The following SOX5 variants were observed in gnomAD, a reference collection of about 807,000 sequenced individuals.
SOX5 encodes transcription factor SOX-5.
SOX5 carries 9 observed loss-of-function variants against 92.0 expected under a neutral mutation model. The ratio of observed to expected loss-of-function variants is 0.10; its 90% CI spans 0.06 to 0.17. The LOEUF (loss-of-function observed/expected upper bound fraction) is 0.17, where lower values mean the gene tolerates loss of function less well. SOX5 is among the 10% of genes least tolerant of loss of function. The probability of loss-of-function intolerance (pLI) is 1.00; values close to 1 mark genes in which losing one functional copy is unlikely to be tolerated. For missense variants in SOX5, 642 were observed against 944.5 expected, an observed-to-expected ratio of 0.68 and a Z score of 4.20; for synonymous variants, 344 against 336.3, an observed-to-expected ratio of 1.02 and a Z score of -0.25.
chr12:23,898,845 C>A (rs1026856502), intron 1 of SOX5, among the ~76,000 whole-genome samples: 2 of 152,072 alleles, frequency 1.3e-5, no homozygotes, highest in African/African-American at 2.4e-5. Context: ...ATTTATAATT[C>A]AGGTAAAAGA....
chr12:24,358,460 T>C (rs1030058639), intron 2 of SOX5, among the ~76,000 whole-genome samples: 1 of 151,532 alleles, frequency 6.6e-6, no homozygotes, highest in Non-Finnish European at 1.5e-5. Context: ...AATACTTAAC[T>C]GCCAAAAAAA....
intron 3 of SOX5, among the ~76,000 whole-genome samples, chr12:23,795,514 C>G (rs2095547007): frequency 1.3e-5 from 2 of 152,018 alleles, no homozygotes; most frequent in African/African-American, 4.8e-5. Flanking sequence ...TGCCTTGTGG[C>G]TAAATTGAGC....
chr12:23,629,275 C>A (rs994973849), intron 8 of SOX5, among the ~76,000 whole-genome samples: 3 of 151,982 alleles, frequency 2.0e-5, no homozygotes, highest in African/African-American at 2.4e-5. Flanking sequence ...GGCCTAAGTG[C>A]AAAATTAACA....
chr12:24,155,310 T>C, intron 4 of SOX5, among the ~76,000 whole-genome samples: 1 of 152,254 alleles, frequency 6.6e-6, no homozygotes, highest in Middle Eastern at 3.4e-3. Flanking sequence ...CTAAGACAAA[T>C]GAAAAATGTT....
chr12:24,217,301 A>C (rs779341506), intron 3 of SOX5, among the ~76,000 whole-genome samples: 1 of 152,198 alleles, frequency 6.6e-6, no homozygotes, highest in Non-Finnish European at 1.5e-5. Flanking sequence ...CTTGTCCTTG[A>C]ATCTGTAGGA....
intron 8 of SOX5, among the ~76,000 whole-genome samples, chr12:23,608,108 G>GAAAAAAAAAAAAAAA (rs1566278538): frequency 1.8e-4 from 1 of 5,676 alleles, no homozygotes; most frequent in African/African-American, 2.6e-4. Flanking sequence ...TGTCTCAAAA[G>GAAAAAAAAAAAAAAA]AAAAAAGAAA....
Position 24,355,282 on chromosome 12 carries a change from C to CTTTTTTTTTTTTTTTTTT in SOX5, c.-174+13263_-174+13280dup, listed in dbSNP as rs768157437. ...TTAGCAGGTGTGGTGAGGGGTGCAT[C>CTTTTTTTTTTTTTTTTTT]TTTTTTTTTTTTTTTTTTTTTTTTT... On this transcript the variant is annotated intron_variant, in intron 2 of 4. Transcript: ENST00000446891. Among the ~76,000 whole-genome samples, 16 of 71,932 alleles carry CTTTTTTTTTTTTTTTTTT rather than the reference C, an allele frequency of 2.2e-4. 3 individuals are homozygous for CTTTTTTTTTTTTTTTTTT. Among genetic ancestry groups the CTTTTTTTTTTTTTTTTTT allele is most frequent in the Non-Finnish European group, 3.0e-4 (13 of 43,380 alleles). 47.2% of individuals were successfully genotyped at this position (71,932 alleles called of 152,430 possible).
intron 10 of SOX5, among the ~76,000 whole-genome samples, chr12:23,568,632 A>G (rs1368565924): frequency 2.0e-5 from 3 of 152,044 alleles, no homozygotes; most frequent in East Asian, 1.9e-4. Flanking sequence ...TCTATATTCC[A>G]TAGACCTTGT....
At chr12:24,099,846 C>A (rs932559505) in intron 4 of SOX5, among the ~76,000 whole-genome samples, 1 of 152,078 alleles carries the variant, frequency 6.6e-6, no homozygotes, top group Non-Finnish European at 1.5e-5. Flanking sequence ...ATGGGATACT[C>A]CCCAATTCAT....
intron 1 of SOX5, among the ~76,000 whole-genome samples, chr12:24,476,636 G>A (rs1236623304): frequency 1.3e-5 from 2 of 151,670 alleles, no homozygotes; most frequent in African/African-American, 4.9e-5. Context: ...GGCCCCCACG[G>A]CACTCTCTGC....
intron 1 of SOX5, among the ~76,000 whole-genome samples, chr12:24,450,511 T>TTTATTTAC (rs1942140279): frequency 6.6e-6 from 1 of 150,546 alleles, no homozygotes; most frequent in Admixed American, 6.6e-5. Context: ...TATTTATTTA[T>TTTATTTAC]TGAGACAGAG....
chr12:24,533,398 C>A (rs943660476), intron 1 of SOX5, among the ~76,000 whole-genome samples: 12 of 152,078 alleles, frequency 7.9e-5, no homozygotes, highest in African/African-American at 2.2e-4. Context: ...ATAACAAATA[C>A]CCTGAAGATC....
At chr12:23,736,933 T>A (rs1407668076) in intron 5 of SOX5, among the ~76,000 whole-genome samples, 2 of 152,010 alleles carry the variant, frequency 1.3e-5, no homozygotes, top group African/African-American at 4.8e-5. Flanking sequence ...CCTCGGGTGA[T>A]CCACTTGCCT....
intron 1 of SOX5, among the ~76,000 whole-genome samples, chr12:24,383,375 T>C (rs1958029382): frequency 6.6e-6 from 1 of 152,264 alleles, no homozygotes; most frequent in South Asian, 2.1e-4. Flanking sequence ...CTAAATTCAC[T>C]GTCCACATAT....
intron 1 of SOX5, among the ~76,000 whole-genome samples, chr12:24,507,376 A>G (rs1948897137): frequency 6.6e-6 from 1 of 151,736 alleles, no homozygotes; most frequent in Non-Finnish European, 1.5e-5. Context: ...TAGTTCTAGG[A>G]TAGAGATACT....
chr12:24,249,984 G>C (rs1370762185), intron 3 of SOX5, among the ~76,000 whole-genome samples: 1 of 152,136 alleles, frequency 6.6e-6, no homozygotes, highest in African/African-American at 2.4e-5. Flanking sequence ...GAAAGATAGG[G>C]AAGCAGGCAT....
chr12:23,684,718 G>A (rs1338774026), intron 6 of SOX5, among the ~76,000 whole-genome samples: 1 of 152,088 alleles, frequency 6.6e-6, no homozygotes, highest in Non-Finnish European at 1.5e-5. Context: ...CAGCTATCCT[G>A]TAGTGCTTAA....
intron 4 of SOX5, among the ~76,000 whole-genome samples, chr12:23,751,036 A>C (rs1487209156): frequency 6.6e-6 from 1 of 151,936 alleles, no homozygotes; most frequent in African/African-American, 2.4e-5. Context: ...GTTCTTGTGA[A>C]ATAGTTTTTA....
intron 3 of SOX5, among the ~76,000 whole-genome samples, chr12:23,834,679 T>C (rs945604591): frequency 6.6e-6 from 1 of 151,814 alleles, no homozygotes; most frequent in Non-Finnish European, 1.5e-5. Context: ...GACAAATAAA[T>C]GGACAGTTTT....
Sources: gnomAD v4.1 joint callset for allele counts (sites outside exome capture counted in the v4.1 genomes callset) on GRCh38, gnomAD v4.1.1 for gene constraint, MANE v1.5 for transcripts, NCBI Gene and HGNC (gene_info 2026-07-23, HGNC 2026-07-21) for gene names.